The following MRPL20 variants were observed in gnomAD, a reference collection of about 807,000 sequenced individuals.
MRPL20 encodes large ribosomal subunit protein bL20m.
A neutral mutation model predicts 20.0 loss-of-function variants in MRPL20; 21 were observed. The ratio of observed to expected loss-of-function variants is 1.05; its 90% CI spans 0.74 to 1.51. The LOEUF (loss-of-function observed/expected upper bound fraction) is 1.51, where lower values mean the gene tolerates loss of function less well. Ranked by LOEUF, MRPL20 falls within the 40% of genes most tolerant of loss-of-function variation. The pLI, the probability that MRPL20 is intolerant of heterozygous loss-of-function variation, is 0.00. For synonymous variants in MRPL20, 104 were observed against 73.0 expected (o/e 1.43, Z -2.17); for missense variants, 252 against 185.6 (o/e 1.36, Z -2.08).
Position 1,407,220 on chromosome 1 carries a change from C to A in MRPL20, c.-3G>T. Reference sequence around the variant, plus strand: ...AGCTGCGCGGTGAGGAAGACCATGGCGCCTGCAGGCCGGCGTCCCGAACAC... The same window carrying A: ...AGCTGCGCGGTGAGGAAGACCATGGAGCCTGCAGGCCGGCGTCCCGAACAC... On this transcript the variant is annotated 5_prime_UTR_variant, in exon 1 of 4. Coordinates refer to ENST00000344843, the MANE Select transcript of MRPL20 (RefSeq NM_017971.4). 1 of 1,595,438 alleles carries A rather than the reference C, an allele frequency of 6.3e-7. No individual in the cohort carries two copies. The highest frequency in any genetic ancestry group is 8.5e-7 in the Non-Finnish European group (1 of 1,171,372).
In MRPL20 at chr1:1,402,432, G is replaced by A. The variant is rs368114972; in HGVS notation, c.277-176C>T. On this transcript the variant is annotated intron_variant, in intron 3 of 3. Transcript: ENST00000344843. Reference sequence around the variant, plus strand: ...AGGACTTCCAGGCAGGATGCTGAAGGATAAATGTGGACACGGGTGAGGGAA... The same window carrying A: ...AGGACTTCCAGGCAGGATGCTGAAGAATAAATGTGGACACGGGTGAGGGAA... 232 of 1,379,452 alleles carry A rather than the reference G, an allele frequency of 1.7e-4. No homozygotes were observed. The African/African-American group carries it at 3.1e-3, about 19-fold the overall frequency. The allele number at this position is 1,379,452 out of a possible 1,614,324, so 85.5% of individuals were successfully genotyped here.
At chr1:1,405,465 G>C in intron 3 of MRPL20, 1 of 596,544 alleles carries the variant, frequency 1.7e-6, no homozygotes, top group Non-Finnish European at 3.0e-6. Context: ...TTTGTAGAGA[G>C]TGGTCTCACT....
intron 3 of MRPL20, among the ~76,000 whole-genome samples, chr1:1,404,863 C>T (rs971808577): frequency 6.6e-6 from 1 of 152,120 alleles, no homozygotes; most frequent in African/African-American, 2.4e-5. Flanking sequence ...CCAACCAGTG[C>T]GGTAAGCTCC....
At chr1:1,406,172 A>C in intron 2 of MRPL20, 1 of 346,312 alleles carries the variant, frequency 2.9e-6, no homozygotes, top group Non-Finnish European at 5.4e-6. Context: ...CCTGACCAAC[A>C]TGGCGGAACC....
At chr1:1,405,368 G>A in intron 3 of MRPL20, 2 of 491,690 alleles carry the variant, frequency 4.1e-6, no homozygotes, top group South Asian at 4.8e-5. Flanking sequence ...CAAACTCCTG[G>A]GGGCTCAAAG....
intron 2 of MRPL20, chr1:1,406,532 G>A: frequency 3.6e-6 from 1 of 279,056 alleles, no homozygotes; most frequent in Admixed American, 4.7e-5. Flanking sequence ...GAGCACCACG[G>A]CAGCAGATAG....
rs750761440 is a variant in MRPL20 at position 1,402,079 on chromosome 1, G to A, written c.*4C>T. On this transcript the variant is annotated 3_prime_UTR_variant, in exon 4 of 4. Coordinates refer to ENST00000344843, the MANE Select transcript of MRPL20 (RefSeq NM_017971.4). The stretch of plus-strand genomic sequence containing the variant: ...TCTTTTCCTAATCAATACAGCAACA[G>A]TCCTCAGTGGTACTGCACCACTCTG... The A allele has an allele frequency of 6.2e-6, 10 of 1,609,204 alleles. No homozygotes were observed. In the East Asian group the frequency reaches 2.2e-4, roughly 36 times the overall value.
At position 1,401,987 on chromosome 1, in the gene MRPL20, C is replaced by T; in HGVS notation, c.*96G>A. On this transcript the variant is annotated 3_prime_UTR_variant, in exon 4 of 4. Coordinates refer to ENST00000344843, the MANE Select transcript of MRPL20 (RefSeq NM_017971.4). ...CTGTCCCAGAGAGACAGGGCCATCC[C>T]TCATGTCTGTTATTGGGTTGTAGAT... The T allele has an allele frequency of 7.2e-7, 1 of 1,381,482 alleles. No homozygotes were observed. The highest frequency in any genetic ancestry group is 9.9e-7 in the Non-Finnish European group (1 of 1,010,384). 85.6% of individuals were successfully genotyped at this position (1,381,482 alleles called of 1,614,324 possible).
In MRPL20 at chr1:1,402,325, C is replaced by T. The variant is rs1232407606; in HGVS notation, c.277-69G>A. On this transcript the variant is annotated intron_variant, in intron 3 of 3. Coordinates refer to ENST00000344843, the MANE Select transcript of MRPL20 (RefSeq NM_017971.4). The stretch of plus-strand genomic sequence containing the variant: ...ACACTCCGGCTCCGCGTGGTTGCGG[C>T]GCTGGCTCAGGAAGAACCCAGCTGC... 5 of 1,517,702 alleles carry T rather than the reference C, an allele frequency of 3.3e-6. No individual in the cohort carries two copies. The East Asian group carries it at 6.8e-5, about 21-fold the overall frequency. The allele number at this position is 1,517,702 out of a possible 1,614,324, so 94.0% of individuals were successfully genotyped here. A position where few individuals can be genotyped will look rare whatever the true frequency, so the allele number is the denominator to read the frequency against.
At position 1,405,900 on chromosome 1, in the gene MRPL20, A is replaced by G; in HGVS notation, c.199-14T>C. 1 of 1,599,214 alleles carries G rather than the reference A, an allele frequency of 6.3e-7. No individual in the cohort carries two copies. The highest frequency in any genetic ancestry group is 8.5e-7 in the Non-Finnish European group (1 of 1,169,964). On this transcript the variant is annotated splice_polypyrimidine_tract_variant and intron_variant, in intron 2 of 3. Coordinates refer to ENST00000344843, the MANE Select transcript of MRPL20 (RefSeq NM_017971.4). ...ATTAATCCAGAGCTGAAATAAGAAA[A>G]CATGAAGATACTTAAAAATGACTTC... is the stretch of plus-strand genomic sequence containing the variant.
intron 3 of MRPL20, among the ~76,000 whole-genome samples, chr1:1,403,075 G>A (rs578033099): frequency 6.7e-6 from 1 of 149,578 alleles, no homozygotes; most frequent in South Asian, 2.1e-4. Context: ...CTTTCAGTGA[G>A]CCAAGATCGC....
intron 3 of MRPL20, among the ~76,000 whole-genome samples, chr1:1,404,937 T>C (rs1645369093): frequency 6.6e-6 from 1 of 152,134 alleles, no homozygotes; most frequent in African/African-American, 2.4e-5. Context: ...GTGGCACTCC[T>C]CGCCTCTGCC....
intron 3 of MRPL20, among the ~76,000 whole-genome samples, chr1:1,404,239 C>G (rs544322601): frequency 3.6e-4 from 52 of 145,556 alleles, no homozygotes; most frequent in African/African-American, 8.7e-4. Flanking sequence ...CTGCAATCTC[C>G]GTCTCCCGGG....
At chr1:1,403,346 C>A (rs1245607137) in intron 3 of MRPL20, among the ~76,000 whole-genome samples, 2 of 151,618 alleles carry the variant, frequency 1.3e-5, no homozygotes, top group Non-Finnish European at 2.9e-5. Flanking sequence ...CAGGTTCATG[C>A]CATTCTCCTG....
Position 1,401,981 on chromosome 1 carries a change from C to T in MRPL20, c.*102G>A, listed in dbSNP as rs886960262. On this transcript the variant is annotated 3_prime_UTR_variant, in exon 4 of 4. Coordinates refer to ENST00000344843, the MANE Select transcript of MRPL20 (RefSeq NM_017971.4). ...GAGGCTCTGTCCCAGAGAGACAGGG[C>T]CATCCCTCATGTCTGTTATTGGGTT... The T allele has an allele frequency of 6.1e-6, 8 of 1,304,702 alleles. No individual in the cohort carries two copies. Among genetic ancestry groups the T allele is most frequent in the Non-Finnish European group, 8.5e-6 (8 of 944,252 alleles). 80.8% of individuals were successfully genotyped at this position (1,304,702 alleles called of 1,614,324 possible).
At chr1:1,402,957 T>A (rs1268653676) in intron 3 of MRPL20, among the ~76,000 whole-genome samples, 2 of 152,036 alleles carry the variant, frequency 1.3e-5, no homozygotes, top group African/African-American at 4.8e-5. Flanking sequence ...TGAAACCCTG[T>A]CTCTACCAAA....
In MRPL20 at chr1:1,407,239, C is replaced by T. The variant is rs778733971; in HGVS notation, c.-22G>A. The T allele has an allele frequency of 5.7e-6, 9 of 1,574,040 alleles. No homozygotes were observed. In the South Asian group the frequency reaches 8.0e-5, roughly 14 times the overall value. On this transcript the variant is annotated 5_prime_UTR_variant, in exon 1 of 4. Transcript: ENST00000344843. ...CCATGGCGCCTGCAGGCCGGCGTCCCGAACACTCAACAACGCACGCGCAGC... is the reference window on the plus strand; with the variant it reads ...CCATGGCGCCTGCAGGCCGGCGTCCTGAACACTCAACAACGCACGCGCAGC...
Position 1,407,000 on chromosome 1 carries a change from T to C in MRPL20, c.107A>G (p.Asn36Ser), listed in dbSNP as rs757717526. The C allele has an allele frequency of 6.2e-7, 1 of 1,613,770 alleles. No homozygotes were observed. The highest frequency in any genetic ancestry group is 8.5e-7 in the Non-Finnish European group (1 of 1,179,728). Residue 36 changes from asparagine (N) to serine (S), a missense_variant, in exon 2 of 4, where the codon AAT (asparagine) becomes AGT (serine). Transcript: ENST00000344843. ...TCTGACCGCCAACCTGTAGCAGCGA[T>C]TTTTCCTTCCCCGGAAGTGCTGGGA... Reference protein sequence around the residue: ...KHARHFRGRKNRCYRLAVRTV... With the variant: ...KHARHFRGRKSRCYRLAVRTV...
In MRPL20 at chr1:1,406,981, C is replaced by T. The variant is rs764738498; in HGVS notation, c.126G>A (p.Ala42=). ...CAAAGGCTCGAATCACGGTTCTGAC[C>T]GCCAACCTGTAGCAGCGATTTTTCC... is the stretch of plus-strand genomic sequence containing the variant. ...RGRKNRCYRL[A]VRTVIRAFVK... is the part of the protein sequence containing the mutation. The change falls in exon 2 of 4, where the codon GCG becomes GCA. Residue 42 remains alanine, a synonymous_variant. Transcript: ENST00000344843. 3.1e-6 allele frequency: 5 copies of T among 1,613,724 alleles called. No homozygotes were observed. In the South Asian group the frequency reaches 3.3e-5, roughly 11 times the overall value.
Sources: gnomAD v4.1 joint callset for allele counts (sites outside exome capture counted in the v4.1 genomes callset) on GRCh38, gnomAD v4.1.1 for gene constraint, MANE v1.5 for transcripts, NCBI Gene and HGNC (gene_info 2026-07-23, HGNC 2026-07-21) for gene names.